Variants in LARGE1 observed in about 807,000 individuals in gnomAD.
LARGE1 encodes xylosyl- and glucuronyltransferase LARGE1.
In LARGE1, 43 loss-of-function variants were observed where a neutral mutation model predicts 87.6. That is an observed-to-expected ratio of 0.49 (90% CI 0.38 to 0.63). LARGE1 has a LOEUF of 0.63. Among genes scored for constraint, LARGE1 ranks in the 30% least tolerant of loss-of-function variants. The pLI, the probability that LARGE1 is intolerant of heterozygous loss-of-function variation, is 0.00. For synonymous variants in LARGE1, 434 were observed against 394.6 expected, an observed-to-expected ratio of 1.10 and a Z score of -1.18; for missense variants, 802 against 1,000.2, an observed-to-expected ratio of 0.80 and a Z score of 2.67.
chr22:33,490,312 C>T (rs565932634), intron 6 of LARGE1, among the ~76,000 whole-genome samples: 3 of 152,300 alleles, frequency 2.0e-5, no homozygotes, highest in African/African-American at 7.2e-5. Context: ...GCTTCCCTAC[C>T]AGAGAATAAA....
chr22:33,579,251 A>C (rs1422707543), intron 5 of LARGE1, among the ~76,000 whole-genome samples: 1 of 152,170 alleles, frequency 6.6e-6, no homozygotes, highest in Non-Finnish European at 1.5e-5. Flanking sequence ...TGGTTTTAAA[A>C]AGAGGAGTTC....
intron 12 of LARGE1, among the ~76,000 whole-genome samples, chr22:33,286,677 T>C (rs758088480): frequency 6.7e-6 from 1 of 150,196 alleles, no homozygotes; most frequent in Admixed American, 6.6e-5. Context: ...AGAAACAGAA[T>C]AGAAGGCTGC....
intron 11 of LARGE1, among the ~76,000 whole-genome samples, chr22:33,170,097 C>A (rs977422900): frequency 1.3e-5 from 2 of 151,856 alleles, no homozygotes; most frequent in Admixed American, 1.3e-4. Context: ...GAGATTATTG[C>A]CCTGGGCTGG....
intron 1 of LARGE1, among the ~76,000 whole-genome samples, chr22:33,887,548 A>C (rs5754745): frequency 0.94 from 142,402 of 152,212 alleles, 66,725 homozygotes; most frequent in East Asian, 1. Context: ...ATCAGTCTGA[A>C]CAACATGGTG....
At chr22:33,156,520 A>T in the LARGE1 span, among the ~76,000 whole-genome samples, 1 of 152,058 alleles carries the variant, frequency 6.6e-6, no homozygotes, top group Non-Finnish European at 1.5e-5. Flanking sequence ...TTTGTTTTGG[A>T]CAATTTCTCC....
chr22:33,227,009 A>G (rs1304143800), intron 11 of LARGE1, among the ~76,000 whole-genome samples: 1 of 152,224 alleles, frequency 6.6e-6, no homozygotes, highest in Non-Finnish European at 1.5e-5. Flanking sequence ...AAGTGTCCAA[A>G]GCATATGCAT....
chr22:33,484,634 C>T lies in LARGE1; in HGVS notation c.788-52369G>A, dbSNP rs117914594. On this transcript the variant is annotated intron_variant, in intron 6 of 14. Transcript: ENST00000397394. Reference sequence around the variant, plus strand: ...GACAGGAGAGCGCTGGGTTCTACTGCCTTGCTGACTTTAAGTTAAGAGTCA... The same window carrying T: ...GACAGGAGAGCGCTGGGTTCTACTGTCTTGCTGACTTTAAGTTAAGAGTCA... 3.0e-3 allele frequency among the ~76,000 whole-genome samples: 455 copies of T among 152,272 alleles called. 3 individuals are homozygous for T. The highest frequency in any genetic ancestry group is 0.021 in the South Asian group (100 of 4,824).
At position 33,207,909 on chromosome 22, in the gene LARGE1, A is replaced by G. The variant is rs140339581; in HGVS notation, c.1731-41077T>C. ...GGAAAAAATAAAGTTTTTCTCCCCTAAAGGCACAATTACTCCATATTTTCA... is the reference window on the plus strand; with the variant it reads ...GGAAAAAATAAAGTTTTTCTCCCCTGAAGGCACAATTACTCCATATTTTCA... On this transcript the variant is annotated intron_variant, in intron 11 of 11. Transcript: ENST00000608642. Among the ~76,000 whole-genome samples the G allele has an allele frequency of 2.1e-3, 325 of 152,300 alleles. 1 individual carries two copies. The highest frequency in any genetic ancestry group is 7.2e-3 in the African/African-American group (301 of 41,564).
intron 9 of LARGE1, among the ~76,000 whole-genome samples, chr22:33,355,746 G>T (rs1402680111): frequency 5.1e-5 from 3 of 59,294 alleles, no homozygotes; most frequent in African/African-American, 1.0e-4. Flanking sequence ...GAGGCTCTCA[G>T]TTAGTGGCTC....
At chr22:33,645,725 AG>A (rs2080591425) in intron 3 of LARGE1, among the ~76,000 whole-genome samples, 1 of 151,206 alleles carries the variant, frequency 6.6e-6, no homozygotes, top group Admixed American at 6.6e-5. Context: ...AGAATCTACA[AG>A]GAACTTAAAC....
chr22:33,809,881 TA>T (rs908255048), intron 1 of LARGE1, among the ~76,000 whole-genome samples: 64 of 144,958 alleles, frequency 4.4e-4, no homozygotes, highest in Middle Eastern at 3.5e-3. Flanking sequence ...AAGCTTGTGT[TA>T]AAAAAAAAAA....
intron 4 of LARGE1, among the ~76,000 whole-genome samples, chr22:33,619,965 G>A (rs561231126): frequency 2.6e-5 from 4 of 152,128 alleles, no homozygotes; most frequent in Admixed American, 6.5e-5. Context: ...GTAGAGGCAC[G>A]TGCTTAGGGT....
At chr22:33,748,973 G>A (rs114306299) in intron 2 of LARGE1, among the ~76,000 whole-genome samples, 8,426 of 152,254 alleles carry the variant, frequency 0.055, 323 homozygotes, top group South Asian at 0.21. Flanking sequence ...GGTGGGTGAC[G>A]TTTTTGCATC....
chr22:33,776,051 C>A (rs1601589508), intron 1 of LARGE1, among the ~76,000 whole-genome samples: 1 of 152,264 alleles, frequency 6.6e-6, no homozygotes, highest in South Asian at 2.1e-4. Flanking sequence ...CTTTCCCTCA[C>A]TGAAAGGTTC....
chr22:33,752,027 C>T (rs2084338673), intron 2 of LARGE1, among the ~76,000 whole-genome samples: 1 of 152,208 alleles, frequency 6.6e-6, no homozygotes, highest in Non-Finnish European at 1.5e-5. Context: ...AGTAATCTGC[C>T]TGCCTTGGCC....
intron 1 of LARGE1, among the ~76,000 whole-genome samples, chr22:33,796,206 G>A (rs1252420449): frequency 6.6e-6 from 1 of 152,136 alleles, no homozygotes; most frequent in Non-Finnish European, 1.5e-5. Flanking sequence ...AACAAATTAA[G>A]AGTTTGAGTA....
chr22:33,572,180 T>C, intron 5 of LARGE1: 1 of 1,286,436 alleles, frequency 7.8e-7, no homozygotes, highest in East Asian at 5.6e-5. Flanking sequence ...ACAAATCACC[T>C]TGACATATTT....
intron 6 of LARGE1, among the ~76,000 whole-genome samples, chr22:33,450,743 G>A (rs905406247): frequency 1.3e-5 from 2 of 152,116 alleles, no homozygotes; most frequent in Non-Finnish European, 2.9e-5. Flanking sequence ...TTGCTGTGAG[G>A]GTAAATGATA....
intron 2 of LARGE1, among the ~76,000 whole-genome samples, chr22:33,681,450 C>A (rs2081769119): frequency 6.6e-6 from 1 of 152,224 alleles, no homozygotes; most frequent in South Asian, 2.1e-4. Context: ...TTCTGGGCCT[C>A]ATCGTCCTCT....
Sources: gnomAD v4.1 joint callset for allele counts (sites outside exome capture counted in the v4.1 genomes callset) on GRCh38, gnomAD v4.1.1 for gene constraint, MANE v1.5 for transcripts, NCBI Gene and HGNC (gene_info 2026-07-23, HGNC 2026-07-21) for gene names.